Variants in CYTIP observed in about 807,000 individuals in gnomAD.
CYTIP encodes the protein cytohesin-interacting protein.
Under a neutral mutation model 43.8 loss-of-function variants are expected in CYTIP, and 26 were observed. The observed-to-expected ratio is 0.59, with a 90% CI of 0.44 to 0.82. CYTIP has a LOEUF of 0.82. Among genes scored for constraint, CYTIP ranks in the 40% least tolerant of loss-of-function variants. The probability of loss-of-function intolerance (pLI) is 0.00; values close to 1 mark genes in which losing one functional copy is unlikely to be tolerated. For synonymous variants in CYTIP, 162 were observed against 162.9 expected (o/e 0.99, Z 0.04); for missense variants, 426 against 443.1 (o/e 0.96, Z 0.35).
chr2:157,418,446 A>C, intron 7 of CYTIP, 77 bp downstream of exon 7: 1 of 1,453,464 alleles, frequency 6.9e-7, no homozygotes, highest in Non-Finnish European at 9.4e-7. Context: ...AATGATGATA[A>C]TCTTAAACCA....
chr2:157,416,427 C>A (rs767794304), intron 7 of CYTIP, among the ~76,000 whole-genome samples: 1 of 152,034 alleles, frequency 6.6e-6, no homozygotes, highest in African/African-American at 2.4e-5. Context: ...ACAGTTCAGC[C>A]CAATTGACAG....
At chr2:157,440,325 G>A (rs971841876) in intron 1 of CYTIP, among the ~76,000 whole-genome samples, 2 of 152,138 alleles carry the variant, frequency 1.3e-5, no homozygotes, top group East Asian at 3.8e-4. Context: ...TTAAGTGCCC[G>A]GAGAAACCGA....
At chr2:157,418,684 A>G (rs535475477) in intron 6 of CYTIP, 95 bp from the exon 7 acceptor site, 2 of 1,184,018 alleles carry the variant, frequency 1.7e-6, no homozygotes, top group Non-Finnish European at 2.3e-6. Context: ...TTGTCATTAA[A>G]TTTTTTACCT....
In CYTIP at chr2:157,425,723, G is replaced by T. The variant is rs541734424; in HGVS notation, c.546+1628C>A. Among the ~76,000 whole-genome samples the T allele has an allele frequency of 5.3e-5, 8 of 152,164 alleles. No individual in the cohort carries two copies. In the South Asian group the frequency reaches 1.7e-3, roughly 32 times the overall value. On this transcript the variant is annotated intron_variant, in intron 6 of 7. Coordinates refer to ENST00000264192, the MANE Select transcript of CYTIP (RefSeq NM_004288.5). ...CAATATTTCTTTTTTCTAAGAAAAG[G>T]TGAAAAAGTTAAACTTTTTTAAAAA...
At chr2:157,432,322 C>T (rs988992633) in intron 3 of CYTIP, among the ~76,000 whole-genome samples, 1 of 152,116 alleles carries the variant, frequency 6.6e-6, no homozygotes, top group Non-Finnish European at 1.5e-5. Flanking sequence ...AACAGAAACC[C>T]CAAAGCTACA....
intron 1 of CYTIP, among the ~76,000 whole-genome samples, chr2:157,442,907 G>A (rs979014233): frequency 6.6e-6 from 1 of 152,208 alleles, no homozygotes; most frequent in African/African-American, 2.4e-5. Flanking sequence ...AATATTTTCT[G>A]TAGAAATGCT....
intron 7 of CYTIP, 70 bp from the exon 8 acceptor site, chr2:157,416,213 A>C: frequency 7.9e-7 from 1 of 1,258,496 alleles, no homozygotes; most frequent in Non-Finnish European, 1.1e-6. Flanking sequence ...CTACATCAAA[A>C]CTTCTCTTTG....
At position 157,427,438 on chromosome 2, in the gene CYTIP, A is replaced by C. The variant is rs772082599; in HGVS notation, c.477-18T>G. 1.3e-6 allele frequency: 2 copies of C among 1,573,016 alleles called. No homozygotes were observed. The highest frequency in any genetic ancestry group is 2.2e-5 in the East Asian group (1 of 44,650). Reference sequence around the variant, plus strand: ...TCTCTATCCTGTTTTAAGGAAAAAAAAAAGAAGAGGAAGGTGGGGAGTGAG... The same window carrying C: ...TCTCTATCCTGTTTTAAGGAAAAAACAAAGAAGAGGAAGGTGGGGAGTGAG... On this transcript the variant is annotated intron_variant, in intron 5 of 7. Coordinates refer to ENST00000264192, the MANE Select transcript of CYTIP (RefSeq NM_004288.5).
Position 157,415,623 on chromosome 2 carries a change from G to A in CYTIP, c.*54C>T. The A allele has an allele frequency of 7.9e-7, 1 of 1,261,162 alleles. No homozygotes were observed. The highest frequency in any genetic ancestry group is 2.3e-5 in the East Asian group (1 of 42,954). 78.1% of individuals were successfully genotyped at this position (1,261,162 alleles called of 1,614,324 possible). ...ACTTTCCCACCAAGCTGGGATCTGG[G>A]TGAGTCTAGAGATATTTGTGAAATA... On this transcript the variant is annotated 3_prime_UTR_variant, in exon 8 of 8. Transcript: ENST00000264192.
Position 157,430,871 on chromosome 2 carries a change from C to T in CYTIP, c.371G>A (p.Gly124Asp). Reference sequence around the variant, plus strand: ...AAAATTTAAGTTACCAGCTTGCAGGCCAGCACAGTGAGCTGGGCTGTCCTC... The same window carrying T: ...AAAATTTAAGTTACCAGCTTGCAGGTCAGCACAGTGAGCTGGGCTGTCCTC... ...IQEDSPAHCA[G>D]LQAGDVLANI... Residue 124 changes from glycine (G) to aspartate (D), a missense_variant, in exon 4 of 8, where the codon GGC (glycine) becomes GAC (aspartate). Gly to Asp is a moderately conservative substitution (Grantham distance 94). Transcript: ENST00000264192. 6.2e-7 allele frequency: 1 copy of T among 1,608,758 alleles called. No homozygotes were observed. Among genetic ancestry groups the T allele is most frequent in the Non-Finnish European group, 8.5e-7 (1 of 1,178,436 alleles).
At chr2:157,434,595 T>TCG (rs1553472681) in intron 2 of CYTIP, 103 bp downstream of exon 2, 1 of 681,904 alleles carries the variant, frequency 1.5e-6, no homozygotes, top group Non-Finnish European at 2.5e-6. Flanking sequence ...TGTGTGTGCG[T>TCG]AGAGAGAGAG....
intron 5 of CYTIP, among the ~76,000 whole-genome samples, chr2:157,429,070 G>C (rs1342223258): frequency 6.6e-6 from 1 of 152,162 alleles, no homozygotes; most frequent in Non-Finnish European, 1.5e-5. Flanking sequence ...CTCATGGGTG[G>C]CTGTGAAGAA....
intron 1 of CYTIP, among the ~76,000 whole-genome samples, 200 bp downstream of exon 1, chr2:157,443,647 A>G (rs973878250): frequency 4.6e-5 from 7 of 152,130 alleles, no homozygotes; most frequent in African/African-American, 1.7e-4. Context: ...TTTTGCCTTG[A>G]AAAAAAAGTT....
chr2:157,427,835 G>T (rs1558939033), intron 5 of CYTIP, among the ~76,000 whole-genome samples: 1 of 152,126 alleles, frequency 6.6e-6, no homozygotes, highest in Non-Finnish European at 1.5e-5. Flanking sequence ...AACACAAGGG[G>T]CACAACAACA....
chr2:157,441,879 T>C (rs1169109033), intron 1 of CYTIP, among the ~76,000 whole-genome samples: 1 of 152,234 alleles, frequency 6.6e-6, no homozygotes, highest in Non-Finnish European at 1.5e-5. Context: ...ACTAATCCAC[T>C]ACATTTCTAC....
At chr2:157,434,625 G>T in intron 2 of CYTIP, 73 bp downstream of exon 2, 1 of 1,151,282 alleles carries the variant, frequency 8.7e-7, no homozygotes, top group Non-Finnish European at 1.3e-6. Flanking sequence ...GAGGAAGAGA[G>T]AGGAAAAAAC....
intron 5 of CYTIP, among the ~76,000 whole-genome samples, chr2:157,429,790 G>C (rs1315556224): frequency 6.6e-6 from 1 of 152,034 alleles, no homozygotes; most frequent in Non-Finnish European, 1.5e-5. Flanking sequence ...TTGGGAGGCG[G>C]AGGCGGGTGG....
intron 3 of CYTIP, among the ~76,000 whole-genome samples, chr2:157,431,168 A>G (rs1179193192): frequency 1.3e-5 from 2 of 152,246 alleles, no homozygotes; most frequent in Non-Finnish European, 2.9e-5. Flanking sequence ...GACATCTGTC[A>G]TGAGAAAGAA....
rs1001807011 is a variant in CYTIP, at chr2:157,415,102, C to T, written c.*575G>A. The stretch of plus-strand genomic sequence containing the variant: ...ACATCTTTCCATGGTTCTCATGAAC[C>T]TTAACCCCTCCTATTAAATCTTATA... On this transcript the variant is annotated 3_prime_UTR_variant, in exon 8 of 8. Coordinates refer to ENST00000264192, the MANE Select transcript of CYTIP (RefSeq NM_004288.5). The T allele has an allele frequency of 2.0e-5, 3 of 152,958 alleles. No homozygotes were observed. The highest frequency in any genetic ancestry group is 3.9e-4 in the East Asian group (2 of 5,192). 9.5% of individuals were successfully genotyped at this position (152,958 alleles called of 1,614,324 possible).
Sources: allele counts gnomAD v4.1 joint callset (sites outside exome capture counted in the v4.1 genomes callset), GRCh38; gene constraint gnomAD v4.1.1; transcripts MANE v1.5; gene names NCBI Gene and HGNC (gene_info 2026-07-23, HGNC 2026-07-21).